The following MOK variants were observed in gnomAD, a reference collection of about 807,000 sequenced individuals.
MOK encodes the protein MOK protein kinase.
In MOK, 59 loss-of-function variants were observed where a neutral mutation model predicts 54.2. The observed-to-expected ratio is 1.09, with a 90% CI of 0.88 to 1.35. The LOEUF is 1.35. Among genes scored for constraint, MOK ranks in the 40% most tolerant of loss-of-function variants. MOK has a pLI of 0.00. For missense variants in MOK, 517 were observed against 526.2 expected (o/e 0.98, Z 0.17); for synonymous variants, 210 against 202.7 (o/e 1.04, Z -0.31).
intron 4 of MOK, among the ~76,000 whole-genome samples, chr14:102,253,317 G>A (rs1338898382): frequency 1.3e-5 from 2 of 152,238 alleles, no homozygotes; most frequent in Middle Eastern, 3.2e-3. Context: ...GAGCGCATGT[G>A]CTATGGTTTC....
At chr14:102,285,993 ATTAAATC>A (rs1279767041) in intron 1 of MOK, among the ~76,000 whole-genome samples, 8 of 152,124 alleles carry the variant, frequency 5.3e-5, no homozygotes, top group South Asian at 2.1e-4. Context: ...GGCAGCAGCT[ATTAAATC>A]TTTAAGATGT....
At chr14:102,224,336 G>A (rs1035594213), downstream of MOK, among the ~76,000 whole-genome samples, 9 of 152,020 alleles carry the variant, frequency 5.9e-5, no homozygotes, top group Non-Finnish European at 8.8e-5. Context: ...CACTGCGCCC[G>A]GCCTTACCTG....
chr14:102,287,819 GAT>G (rs2070296791), intron 1 of MOK, among the ~76,000 whole-genome samples: 1 of 143,732 alleles, frequency 7.0e-6, no homozygotes, highest in Non-Finnish European at 1.5e-5. Context: ...AGTTCTTTGA[GAT>G]TTTTTTTTTT....
At chr14:102,294,517 A>T (rs989275769) in intron 1 of MOK, among the ~76,000 whole-genome samples, 6 of 151,904 alleles carry the variant, frequency 3.9e-5, no homozygotes, top group African/African-American at 1.5e-4. Context: ...TGGGAGGCTG[A>T]GATAGGAGAA....
At chr14:102,278,696 T>G (rs1486550118) in intron 2 of MOK, 1 of 455,896 alleles carries the variant, frequency 2.2e-6, no homozygotes, top group East Asian at 6.9e-5. Flanking sequence ...TTCCCTAGTC[T>G]GAAAGATGTA....
chr14:102,246,121 C>G (rs1427751846), intron 7 of MOK: 3 of 152,140 alleles, frequency 2.0e-5, no homozygotes, highest in African/African-American at 7.2e-5. Flanking sequence ...CCAAAAGTCT[C>G]CCTCACTTTA....
At chr14:102,284,733 G>C (rs1344692818) in intron 1 of MOK, among the ~76,000 whole-genome samples, 1 of 152,150 alleles carries the variant, frequency 6.6e-6, no homozygotes, top group Non-Finnish European at 1.5e-5. Flanking sequence ...CTTCAAGGAA[G>C]CTCCTACAAA....
At chr14:102,260,332 G>A (rs1381892102) in intron 4 of MOK, among the ~76,000 whole-genome samples, 9 of 152,088 alleles carry the variant, frequency 5.9e-5, no homozygotes, top group Admixed American at 5.9e-4. Context: ...GCGACAGAGT[G>A]AGACTCCATC....
At chr14:102,271,428 A>AT (rs1188064846) in intron 2 of MOK, among the ~76,000 whole-genome samples, 3 of 152,176 alleles carry the variant, frequency 2.0e-5, no homozygotes, top group African/African-American at 4.8e-5. Context: ...AGACCAGACA[A>AT]TTTCACTGGT....
intron 2 of MOK, among the ~76,000 whole-genome samples, chr14:102,271,407 G>A (rs1037509469): frequency 1.3e-5 from 2 of 151,848 alleles, no homozygotes; most frequent in African/African-American, 2.4e-5. Context: ...TTCCCCACAA[G>A]GAAAACTCCT....
chr14:102,254,980 C>T (rs567667732), intron 4 of MOK, among the ~76,000 whole-genome samples: 4 of 152,112 alleles, frequency 2.6e-5, no homozygotes, highest in Non-Finnish European at 2.9e-5. Flanking sequence ...ACTTGGGAAA[C>T]GTGGAATCTT....
intron 1 of MOK, among the ~76,000 whole-genome samples, chr14:102,295,945 G>A (rs1443342754): frequency 6.6e-6 from 1 of 152,104 alleles, no homozygotes; most frequent in Non-Finnish European, 1.5e-5. Context: ...TGACCAGCCT[G>A]GTCAACATAG....
downstream of MOK, among the ~76,000 whole-genome samples, chr14:102,222,012 TGCTGTGTA>T (rs1345463559): frequency 6.6e-6 from 1 of 152,214 alleles, no homozygotes; most frequent in African/African-American, 2.4e-5. This position sits in a 1 kb window ranked among gnomAD's most constrained non-coding sequence, Gnocchi z 4.4. Context: ...AAGTACTCTT[TGCTGTGTA>T]GGAGGTTAAA....
At chr14:102,218,867 C>G in the MOK span, among the ~76,000 whole-genome samples, 1 of 152,206 alleles carries the variant, frequency 6.6e-6, no homozygotes, top group African/African-American at 2.4e-5. Context: ...GGTGCACAGC[C>G]CAGCAGCTCC....
rs773250098 is a variant in MOK at position 102,229,658 on chromosome 14, C to G, written c.982-1G>C. The G allele has an allele frequency of 6.2e-7, 1 of 1,604,944 alleles. No homozygotes were observed. The highest frequency in any genetic ancestry group is 1.1e-5 in the South Asian group (1 of 89,954). On this transcript the variant is annotated splice_acceptor_variant, in intron 10 of 11. Coordinates refer to ENST00000361847, the MANE Select transcript of MOK (RefSeq NM_014226.3). LOFTEE classifies it high-confidence loss of function. ...CCTCCTCTTGCTTTAGGGACTGTTT[C>G]TTGAAACAGAACAGAGGCCAGTTGG...
Position 102,289,792 on chromosome 14 carries a change from C to A in MOK, c.8-6200G>T, listed in dbSNP as rs147050419. ...AAAGTGCTGGGATTATAGGCGTGAG[C>A]CACTGCACCCAGCCCTCAAGCTCCT... On this transcript the variant is annotated intron_variant, in intron 1 of 11. Transcript: ENST00000361847. Among the ~76,000 whole-genome samples, 702 of 152,252 alleles carry A rather than the reference C, an allele frequency of 4.6e-3. 6 individuals are homozygous for A. The highest frequency in any genetic ancestry group is 0.016 in the African/African-American group (652 of 41,560).
intron 2 of MOK, chr14:102,277,446 C>G (rs1294356193): frequency 6.6e-6 from 1 of 152,016 alleles, no homozygotes. Flanking sequence ...AGTGAAACCC[C>G]GTCACTACTA....
Position 102,229,107 on chromosome 14 carries a change from C to T in MOK, c.*182G>A. On this transcript the variant is annotated 3_prime_UTR_variant, in exon 12 of 12. Transcript: ENST00000361847. The stretch of plus-strand genomic sequence containing the variant: ...TTACAAGTATATTAGCCCAGAACAT[C>T]CTAGGCAGCTGCGCGGGCCGCGGGT... 1 of 603,044 alleles carries T rather than the reference C, an allele frequency of 1.7e-6. No individual in the cohort carries two copies. Among genetic ancestry groups the T allele is most frequent in the Non-Finnish European group, 2.8e-6 (1 of 351,372 alleles). 37.4% of individuals were successfully genotyped at this position (603,044 alleles called of 1,614,324 possible).
intron 1 of MOK, among the ~76,000 whole-genome samples, chr14:102,289,528 CAG>C (rs1218080173): frequency 6.6e-6 from 1 of 152,146 alleles, no homozygotes; most frequent in African/African-American, 2.4e-5. Flanking sequence ...TATTTTGAGA[CAG>C]AGTCTCACTG....
Sources: allele counts gnomAD v4.1 joint callset (sites outside exome capture counted in the v4.1 genomes callset), GRCh38; gene constraint gnomAD v4.1.1; non-coding constraint Gnocchi (gnomAD v3.1); transcripts MANE v1.5; gene names NCBI Gene and HGNC (gene_info 2026-07-23, HGNC 2026-07-21).